The following C1QTNF3 variants were observed in gnomAD, a reference collection of about 807,000 sequenced individuals.
The protein encoded by C1QTNF3 is complement C1q tumor necrosis factor-related protein 3.
In C1QTNF3, 26 loss-of-function variants were observed where a neutral mutation model predicts 32.6. The ratio of observed to expected loss-of-function variants is 0.80; its 90% confidence interval spans 0.58 to 1.11. The LOEUF (loss-of-function observed/expected upper bound fraction) is 1.11, where lower values mean the gene tolerates loss of function less well. C1QTNF3 is among the 50% of genes least tolerant of loss of function. The pLI is 0.00. For missense variants in C1QTNF3, 362 were observed against 398.2 expected (o/e 0.91, Z 0.77); for synonymous variants, 155 against 146.0 (o/e 1.06, Z -0.44).
At position 34,018,843 on chromosome 5, in the gene C1QTNF3, G is replaced by A. The variant is rs1754256966; in HGVS notation, c.*1740C>T. On this transcript the variant is annotated 3_prime_UTR_variant, in exon 6 of 6. Transcript: ENST00000382065. The stretch of plus-strand genomic sequence containing the variant: ...AGAGTTGTTTTAAGATTTAGAATTT[G>A]CGGCTGGGTGCGGGGGCTCACGCCT... Among the ~76,000 whole-genome samples the A allele has an allele frequency of 6.6e-6, 1 of 152,110 alleles. No homozygotes were observed. The highest frequency in any genetic ancestry group is 1.5e-5 in the Non-Finnish European group (1 of 68,006).
chr5:34,115,965 GTTAC>G, the C1QTNF3 span, among the ~76,000 whole-genome samples: 2 of 151,812 alleles, frequency 1.3e-5, no homozygotes, highest in Non-Finnish European at 2.9e-5. Flanking sequence ...TAATTTTTAG[GTTAC>G]TTATTTTGGA....
At chr5:34,063,233 ACTTT>A in the C1QTNF3 span, among the ~76,000 whole-genome samples, 5 of 149,738 alleles carry the variant, frequency 3.3e-5, no homozygotes, top group South Asian at 2.1e-4. Flanking sequence ...TCTCTCTTTG[ACTTT>A]CTGTCTCTTT....
Position 34,018,615 on chromosome 5 carries a change from T to C in C1QTNF3, c.*1968A>G, listed in dbSNP as rs967079572. Reference sequence around the variant, plus strand: ...ACATTTGCATATTCCATCCTCTGAATTATTTTTTTACATTTTAATTTTGAC... The same window carrying C: ...ACATTTGCATATTCCATCCTCTGAACTATTTTTTTACATTTTAATTTTGAC... On this transcript the variant is annotated 3_prime_UTR_variant, in exon 6 of 6. Transcript: ENST00000382065. 5.3e-5 allele frequency among the ~76,000 whole-genome samples: 8 copies of C among 152,348 alleles called. No homozygotes were observed. The highest frequency in any genetic ancestry group is 4.4e-5 in the Non-Finnish European group (3 of 68,028).
chr5:34,036,494 G>T (rs1754743420), intron 1 of C1QTNF3, among the ~76,000 whole-genome samples: 1 of 152,124 alleles, frequency 6.6e-6, no homozygotes, highest in African/African-American at 2.4e-5. Context: ...TGTAGAGAGA[G>T]CACTTAAAAT....
the C1QTNF3 span, among the ~76,000 whole-genome samples, chr5:34,064,500 C>T: frequency 4.6e-5 from 7 of 152,128 alleles, no homozygotes; most frequent in African/African-American, 1.7e-4. Context: ...CCATGGAACC[C>T]AGCGACCAGT....
the C1QTNF3 span, among the ~76,000 whole-genome samples, chr5:34,198,626 GGT>G: frequency 3.8e-5 from 3 of 78,010 alleles, no homozygotes; most frequent in Non-Finnish European, 7.5e-5. Context: ...CCAATCCTGT[GGT>G]GTTTTATTTC....
the C1QTNF3 span, chr5:34,166,141 AT>A: frequency 6.6e-6 from 1 of 151,704 alleles, no homozygotes; most frequent in Non-Finnish European, 1.5e-5. Context: ...ATAATATTTC[AT>A]TTTCTTATTT....
chr5:34,076,045 A>G, the C1QTNF3 span, among the ~76,000 whole-genome samples: 37 of 151,828 alleles, frequency 2.4e-4, no homozygotes, highest in African/African-American at 8.3e-4. Flanking sequence ...GAATGATTAC[A>G]CATGTATGAG....
chr5:34,050,548 G>C, the C1QTNF3 span, among the ~76,000 whole-genome samples: 1 of 152,070 alleles, frequency 6.6e-6, no homozygotes, highest in Non-Finnish European at 1.5e-5. Context: ...TCCTGGGAAG[G>C]CCTCTAAAAT....
At chr5:34,195,127 A>G in the C1QTNF3 span, among the ~76,000 whole-genome samples, 17,376 of 115,336 alleles carry the variant, frequency 0.15, 3 homozygotes, top group East Asian at 0.34. Context: ...TTCTCCCTAC[A>G]GAAAAATCAT....
At chr5:34,147,176 G>A in the C1QTNF3 span, among the ~76,000 whole-genome samples, 29 of 152,208 alleles carry the variant, frequency 1.9e-4, no homozygotes, top group Non-Finnish European at 3.7e-4. Flanking sequence ...CGGCAAGGCT[G>A]TGGAGAATAG....
chr5:34,169,723 A>G, the C1QTNF3 span, among the ~76,000 whole-genome samples: 1 of 152,132 alleles, frequency 6.6e-6, no homozygotes, highest in African/African-American at 2.4e-5. Context: ...GCAAATAGTA[A>G]TATCAAAATG....
In C1QTNF3 at chr5:34,020,222, C is replaced by T. The variant is rs1462854946; in HGVS notation, c.*361G>A. 1 of 184,270 alleles carries T rather than the reference C, an allele frequency of 5.4e-6. No individual in the cohort carries two copies. Among genetic ancestry groups the T allele is most frequent in the Non-Finnish European group, 1.2e-5 (1 of 86,840 alleles). 11.4% of individuals were successfully genotyped at this position (184,270 alleles called of 1,614,324 possible). ...TAATGAACTTAAAACTTCAGGGGTT[C>T]CTGAAAACTGGTATTAAATTAAAAG... On this transcript the variant is annotated 3_prime_UTR_variant, in exon 6 of 6. Transcript: ENST00000382065.
At chr5:34,036,523 A>G (rs1754744284) in intron 1 of C1QTNF3, among the ~76,000 whole-genome samples, 1 of 152,234 alleles carries the variant, frequency 6.6e-6, no homozygotes, top group Non-Finnish European at 1.5e-5. Context: ...AACAATTTTC[A>G]AGAATATAAT....
the C1QTNF3 span, among the ~76,000 whole-genome samples, chr5:34,187,476 T>G: frequency 3.3e-5 from 5 of 152,302 alleles, no homozygotes; most frequent in African/African-American, 1.2e-4. Flanking sequence ...GTTGAATGGC[T>G]TTGACCAAAA....
chr5:34,177,480 C>CTTTT, the C1QTNF3 span, among the ~76,000 whole-genome samples: 571 of 84,474 alleles, frequency 6.8e-3, no homozygotes, highest in Middle Eastern at 9.6e-3. Context: ...CCATACCCAA[C>CTTTT]TTTTTTTTTT....
At chr5:34,030,976 A>C (rs1754598553) in intron 3 of C1QTNF3, among the ~76,000 whole-genome samples, 1 of 152,172 alleles carries the variant, frequency 6.6e-6, no homozygotes, top group African/African-American at 2.4e-5. Context: ...AAAAATAACC[A>C]ATGGGTACTA....
chr5:34,211,938 A>G, the C1QTNF3 span, among the ~76,000 whole-genome samples: 1 of 152,178 alleles, frequency 6.6e-6, no homozygotes, highest in Non-Finnish European at 1.5e-5. Context: ...AAGAGCCCGC[A>G]TCGCCAAGTC....
At chr5:34,023,517 T>C (rs1042188282) in intron 5 of C1QTNF3, among the ~76,000 whole-genome samples, 3 of 152,174 alleles carry the variant, frequency 2.0e-5, no homozygotes, top group African/African-American at 7.2e-5. Flanking sequence ...TCATGGCCCT[T>C]TTAATTGTAA....
Sources: gnomAD v4.1 joint callset for allele counts (sites outside exome capture counted in the v4.1 genomes callset) on GRCh38, gnomAD v4.1.1 for gene constraint, MANE v1.5 for transcripts, NCBI Gene and HGNC (gene_info 2026-07-23, HGNC 2026-07-21) for gene names.